HELZ: variants seen among roughly 807,000 people sequenced by gnomAD.
HELZ encodes the protein ATP-dependent RNA helicase with zinc finger domain.
Under a neutral mutation model 218.2 loss-of-function variants are expected in HELZ, and 23 were observed. That is an observed-to-expected ratio of 0.11 (90% CI 0.08 to 0.15). HELZ has a LOEUF of 0.15. HELZ is among the 10% of genes least tolerant of loss of function. The pLI, the probability that HELZ is intolerant of heterozygous loss-of-function variation, is 1.00. For missense variants in HELZ, 1,813 were observed against 2,353.7 expected (o/e 0.77, Z 4.75); for synonymous variants, 814 against 829.4 (o/e 0.98, Z 0.32).
At chr17:67,166,423 A>G (rs1461248011) in intron 15 of HELZ, 55 bp downstream of exon 15, 2 of 1,438,076 alleles carry the variant, frequency 1.4e-6, no homozygotes, top group African/African-American at 1.4e-5. Flanking sequence ...TTTGATACAG[A>G]TATTCAATTT....
intron 31 of HELZ, among the ~76,000 whole-genome samples, chr17:67,099,028 T>C (rs892584727): frequency 2.6e-5 from 4 of 152,214 alleles, no homozygotes; most frequent in African/African-American, 9.6e-5. Flanking sequence ...AAGAAAAATA[T>C]TTCTGACAGA....
intron 21 of HELZ, among the ~76,000 whole-genome samples, chr17:67,138,878 G>A (rs941907937): frequency 2.0e-5 from 3 of 152,202 alleles, no homozygotes; most frequent in South Asian, 2.1e-4. Flanking sequence ...TGGCACAGTG[G>A]AGAAGGTACA....
At chr17:67,079,649 G>A (rs145337061) in intron 32 of HELZ, among the ~76,000 whole-genome samples, 140 of 152,300 alleles carry the variant, frequency 9.2e-4, no homozygotes, top group African/African-American at 3.2e-3. Context: ...GCAGGAAGAT[G>A]CTGCCCATGT....
At chr17:67,226,174 G>A (rs960638882) in intron 3 of HELZ, among the ~76,000 whole-genome samples, 4 of 150,298 alleles carry the variant, frequency 2.7e-5, no homozygotes, top group Non-Finnish European at 4.4e-5. Context: ...GCAGGAGATC[G>A]CTTGAACACA....
intron 24 of HELZ, among the ~76,000 whole-genome samples, chr17:67,128,337 CTTTG>C (rs2037867992): frequency 6.6e-6 from 1 of 152,098 alleles, no homozygotes; most frequent in Non-Finnish European, 1.5e-5. Flanking sequence ...TTTTAAACTT[CTTTG>C]TTTTATTCAC....
At chr17:67,221,312 G>A (rs1386834891) in intron 3 of HELZ, among the ~76,000 whole-genome samples, 3 of 152,142 alleles carry the variant, frequency 2.0e-5, no homozygotes, top group African/African-American at 7.2e-5. Flanking sequence ...TCTGGAGAAG[G>A]CAAAATCAGC....
intron 26 of HELZ, among the ~76,000 whole-genome samples, chr17:67,122,565 G>A (rs542894823): frequency 1.1e-4 from 16 of 151,280 alleles, no homozygotes; most frequent in South Asian, 8.4e-4. Context: ...AAAATTAGCC[G>A]GACGTAGTGG....
At chr17:67,224,972 G>A in intron 3 of HELZ, 1 of 701,448 alleles carries the variant, frequency 1.4e-6, no homozygotes, top group Non-Finnish European at 2.7e-6. Flanking sequence ...GAGAATGCTG[G>A]CTATTAAAAA....
Position 67,161,048 on chromosome 17 carries a change from G to A in HELZ, c.1924C>T (p.Leu642=). Residue 642 remains leucine (L), a synonymous_variant, in exon 16 of 33, where the codon CTA becomes TTA. Coordinates refer to ENST00000358691, the MANE Select transcript of HELZ (RefSeq NM_014877.4). Reference sequence around the variant, plus strand: ...ACAGCCTCTTTCTGTTTTGCATTTAGTCGAGGATCCAACTGTTCATCCCAT... The same window carrying A: ...ACAGCCTCTTTCTGTTTTGCATTTAATCGAGGATCCAACTGTTCATCCCAT... ...RQWDEQLDPR[L]NAKQKEAVLA... is the part of the protein sequence containing the mutation. 1 of 1,611,890 alleles carries A rather than the reference G, an allele frequency of 6.2e-7. No individual in the cohort carries two copies. The highest frequency in any genetic ancestry group is 1.7e-5 in the Admixed American group (1 of 59,652).
chr17:67,158,563 T>C (rs1219824980), intron 17 of HELZ, among the ~76,000 whole-genome samples: 1 of 151,996 alleles, frequency 6.6e-6, no homozygotes, highest in East Asian at 1.9e-4. Flanking sequence ...ATAAAGAAAA[T>C]ATTTGGGAAG....
chr17:67,120,119 T>C (rs191435829), intron 27 of HELZ: 134 of 363,540 alleles, frequency 3.7e-4, no homozygotes, highest in African/African-American at 2.9e-3. Context: ...TTCTCCTGCC[T>C]CAGCCTCCCA....
intron 28 of HELZ, among the ~76,000 whole-genome samples, chr17:67,112,460 C>CACCACTTCCCAAACACGT (rs1299064972): frequency 6.6e-6 from 1 of 152,310 alleles, no homozygotes; most frequent in African/African-American, 2.4e-5. Flanking sequence ...TCTCTCTCTG[C>CACCACTTCCCAAACACGT]ACCACTTCCC....
intron 5 of HELZ, among the ~76,000 whole-genome samples, chr17:67,214,259 CTTTTTT>C (rs777420102): frequency 4.8e-4 from 42 of 87,728 alleles, no homozygotes; most frequent in African/African-American, 6.5e-4. Flanking sequence ...ATTAATATTT[CTTTTTT>C]TTTTTTTTTT....
At chr17:67,220,357 A>G (rs1388709442) in intron 3 of HELZ, among the ~76,000 whole-genome samples, 1 of 152,238 alleles carries the variant, frequency 6.6e-6, no homozygotes, top group African/African-American at 2.4e-5. Context: ...AGAAATAGCT[A>G]GGGAATGAGA....
intron 3 of HELZ, among the ~76,000 whole-genome samples, chr17:67,221,178 T>C (rs777318303): frequency 1.3e-5 from 2 of 152,204 alleles, no homozygotes; most frequent in Non-Finnish European, 2.9e-5. Flanking sequence ...GGCTCAATAA[T>C]TTTTTGCTGT....
chr17:67,200,104 A>G (rs1369699530), intron 7 of HELZ, among the ~76,000 whole-genome samples: 1 of 152,264 alleles, frequency 6.6e-6, no homozygotes, highest in Non-Finnish European at 1.5e-5. Flanking sequence ...AGCAACAAGC[A>G]TAGTACCTAG....
intron 9 of HELZ, among the ~76,000 whole-genome samples, chr17:67,192,412 A>G (rs1289671843): frequency 2.0e-5 from 3 of 152,292 alleles, no homozygotes; most frequent in Middle Eastern, 3.4e-3. Flanking sequence ...ATGGTACAAC[A>G]AAGTACTTGA....
intron 12 of HELZ, among the ~76,000 whole-genome samples, chr17:67,182,167 C>T (rs1487234035): frequency 2.0e-5 from 3 of 152,152 alleles, no homozygotes; most frequent in Non-Finnish European, 4.4e-5. Flanking sequence ...AGTGGCCAGG[C>T]GCAGTGGCTC....
chr17:67,183,038 C>T (rs551318393), intron 12 of HELZ, among the ~76,000 whole-genome samples: 127 of 152,258 alleles, frequency 8.3e-4, no homozygotes, highest in Non-Finnish European at 1.5e-3. Flanking sequence ...TTATTAAAAC[C>T]TGCTATATTT....
Sources: allele counts gnomAD v4.1 joint callset (sites outside exome capture counted in the v4.1 genomes callset), GRCh38; gene constraint gnomAD v4.1.1; transcripts MANE v1.5; gene names NCBI Gene and HGNC (gene_info 2026-07-23, HGNC 2026-07-21).